The following EMCN variants were observed in gnomAD, a reference collection of about 807,000 sequenced individuals.
The protein encoded by EMCN is MUC-14.
In EMCN, 37 loss-of-function variants were observed where a neutral mutation model predicts 38.4. The observed-to-expected ratio is 0.96, with a 90% CI of 0.74 to 1.27. The LOEUF is 1.27. Ranked by LOEUF, EMCN falls within the 50% of genes most tolerant of loss-of-function variation. The pLI, the probability that EMCN is intolerant of heterozygous loss-of-function variation, is 0.00. For missense variants in EMCN, 318 were observed against 302.8 expected, an observed-to-expected ratio of 1.05 and a Z score of -0.37; for synonymous variants, 95 against 100.8, an observed-to-expected ratio of 0.94 and a Z score of 0.35.
intron 11 of EMCN, among the ~76,000 whole-genome samples, chr4:100,405,373 T>C (rs1726365481): frequency 6.6e-6 from 1 of 152,096 alleles, no homozygotes; most frequent in Admixed American, 6.6e-5. Flanking sequence ...GATCTTATTA[T>C]TTTGAGGTAT....
At chr4:100,411,402 C>T (rs1726549130) in intron 10 of EMCN, among the ~76,000 whole-genome samples, 1 of 152,228 alleles carries the variant, frequency 6.6e-6, no homozygotes, top group African/African-American at 2.4e-5. Flanking sequence ...TGAGTCATCC[C>T]CTAGTATCTG....
intron 1 of EMCN, among the ~76,000 whole-genome samples, chr4:100,500,959 A>G (rs1729335229): frequency 6.6e-6 from 1 of 151,878 alleles, no homozygotes; most frequent in African/African-American, 2.4e-5. Context: ...CTATATTAAG[A>G]TGAGTCATTT....
intron 11 of EMCN, among the ~76,000 whole-genome samples, chr4:100,405,648 G>A (rs1726371746): frequency 6.6e-6 from 1 of 151,982 alleles, no homozygotes; most frequent in Non-Finnish European, 1.5e-5. Flanking sequence ...GAGAACTTTT[G>A]CATCTAGGTT....
intron 5 of EMCN, among the ~76,000 whole-genome samples, chr4:100,434,312 G>GA (rs1234822963): frequency 7.9e-6 from 1 of 126,190 alleles, no homozygotes; most frequent in African/African-American, 3.0e-5. Flanking sequence ...ACTGAACCAG[G>GA]AAAAAACTGA....
chr4:100,467,637 G>GCGCCA (rs1728357353), intron 3 of EMCN, among the ~76,000 whole-genome samples: 1 of 146,464 alleles, frequency 6.8e-6, no homozygotes, highest in Non-Finnish European at 1.5e-5. Flanking sequence ...AGCCGGGATA[G>GCGCCA]CGCCACTGCA....
At chr4:100,427,010 GT>G (rs1727065783) in intron 5 of EMCN, among the ~76,000 whole-genome samples, 1 of 151,188 alleles carries the variant, frequency 6.6e-6, no homozygotes, top group African/African-American at 2.4e-5. Context: ...TTTTTTTTTA[GT>G]TAAAAGAAAT....
intron 1 of EMCN, among the ~76,000 whole-genome samples, chr4:100,497,940 A>T (rs111373603): frequency 6.6e-6 from 1 of 152,220 alleles, no homozygotes; most frequent in South Asian, 2.1e-4. Context: ...ATGGTATTTT[A>T]TTTTAAAATC....
intron 10 of EMCN, among the ~76,000 whole-genome samples, chr4:100,411,547 A>G (rs1360884560): frequency 6.6e-6 from 1 of 152,208 alleles, no homozygotes; most frequent in Non-Finnish European, 1.5e-5. Flanking sequence ...AAGAATAATG[A>G]TATTTATAGT....
chr4:100,417,026 G>T, intron 9 of EMCN, 91 bp downstream of exon 9: 1 of 1,318,886 alleles, frequency 7.6e-7, no homozygotes, highest in Non-Finnish European at 1.1e-6. Flanking sequence ...CTACACTTTA[G>T]AAATAATCCA....
chr4:100,482,267 T>C (rs1050866822), intron 1 of EMCN, among the ~76,000 whole-genome samples: 7 of 152,078 alleles, frequency 4.6e-5, no homozygotes, highest in Admixed American at 4.6e-4. Context: ...AATAATAGGG[T>C]AAGTATTGTT....
chr4:100,397,091 G>A lies in EMCN; in HGVS notation c.*1322C>T, dbSNP rs1726140184. 3 of 152,054 alleles carry A rather than the reference G, an allele frequency of 2.0e-5. No homozygotes were observed. Among genetic ancestry groups the A allele is most frequent in the South Asian group, 4.1e-4 (2 of 4,824 alleles). 9.4% of individuals were successfully genotyped at this position (152,054 alleles called of 1,614,324 possible). On this transcript the variant is annotated 3_prime_UTR_variant, in exon 12 of 12. Transcript: ENST00000296420. The stretch of plus-strand genomic sequence containing the variant: ...GATTATATAACTCCTAAAGATGGAA[G>A]TTGTCAAAATACATCACCACAAAAC...
At chr4:100,493,502 TAC>T (rs1277977503) in intron 1 of EMCN, among the ~76,000 whole-genome samples, 1 of 152,212 alleles carries the variant, frequency 6.6e-6, no homozygotes, top group African/African-American at 2.4e-5. Context: ...CTGCAGAGTT[TAC>T]ACCAGGGATC....
intron 2 of EMCN, among the ~76,000 whole-genome samples, chr4:100,475,680 T>G (rs1304277364): frequency 2.4e-5 from 3 of 127,562 alleles, no homozygotes; most frequent in African/African-American, 9.3e-5. Context: ...TTTTTTTTTT[T>G]TTTTTTTTTT....
At chr4:100,517,459 C>T (rs1468641346) in intron 1 of EMCN, among the ~76,000 whole-genome samples, 1 of 152,008 alleles carries the variant, frequency 6.6e-6, no homozygotes, top group Non-Finnish European at 1.5e-5. Flanking sequence ...ATAATGTCTC[C>T]GATTACAGCC....
intron 1 of EMCN, among the ~76,000 whole-genome samples, chr4:100,516,123 A>C (rs2110315758): frequency 6.6e-6 from 1 of 152,234 alleles, no homozygotes; most frequent in Admixed American, 6.5e-5. Context: ...TACAGGGGTT[A>C]ACAGTTCATT....
intron 11 of EMCN, among the ~76,000 whole-genome samples, chr4:100,405,788 G>C (rs899079975): frequency 1.3e-5 from 2 of 152,024 alleles, no homozygotes; most frequent in Non-Finnish European, 2.9e-5. Flanking sequence ...AATTGATTCA[G>C]TAGGATTGGT....
At chr4:100,460,339 T>C (rs1198609817) in intron 4 of EMCN, among the ~76,000 whole-genome samples, 3 of 152,188 alleles carry the variant, frequency 2.0e-5, no homozygotes, top group African/African-American at 7.2e-5. Flanking sequence ...TCTTAACATT[T>C]GTATGGTTTG....
chr4:100,464,654 A>G (rs1268290297), intron 4 of EMCN, among the ~76,000 whole-genome samples: 1 of 152,066 alleles, frequency 6.6e-6, no homozygotes, highest in Non-Finnish European at 1.5e-5. Flanking sequence ...TTTTACTAAT[A>G]TGTTGTATTA....
intron 4 of EMCN, among the ~76,000 whole-genome samples, chr4:100,450,416 C>A (rs1727805036): frequency 6.6e-6 from 1 of 151,888 alleles, no homozygotes; most frequent in South Asian, 2.1e-4. Flanking sequence ...AATAACTTTG[C>A]TAAATATTCT....
Sources: allele counts gnomAD v4.1 joint callset (sites outside exome capture counted in the v4.1 genomes callset), GRCh38; gene constraint gnomAD v4.1.1; transcripts MANE v1.5; gene names NCBI Gene and HGNC (gene_info 2026-07-23, HGNC 2026-07-21).